SCNN1B: variants seen among roughly 807,000 people sequenced by gnomAD.
SCNN1B encodes epithelial sodium channel subunit beta.
A neutral mutation model predicts 65.3 loss-of-function variants in SCNN1B; 46 were observed. The ratio of observed to expected loss-of-function variants is 0.70; its 90% CI spans 0.56 to 0.90. The LOEUF is 0.90. SCNN1B is among the 40% of genes least tolerant of loss of function. The probability of loss-of-function intolerance (pLI) is 0.00; values close to 1 mark genes in which losing one functional copy is unlikely to be tolerated. For missense variants in SCNN1B, 751 were observed against 830.5 expected, an observed-to-expected ratio of 0.90 and a Z score of 1.18; for synonymous variants, 349 against 330.6, an observed-to-expected ratio of 1.06 and a Z score of -0.60.
intron 4 of SCNN1B, among the ~76,000 whole-genome samples, chr16:23,365,980 G>A (rs137976801): frequency 5.9e-5 from 9 of 152,300 alleles, no homozygotes; most frequent in African/African-American, 1.7e-4. Flanking sequence ...CTGAAAACAC[G>A]GGAAAATAAC....
At position 23,371,481 on chromosome 16, in the gene SCNN1B, G is replaced by A. The variant is rs1185446965; in HGVS notation, c.1044+19G>A. The A allele has an allele frequency of 3.7e-6, 6 of 1,612,490 alleles. No individual in the cohort carries two copies. The highest frequency in any genetic ancestry group is 3.3e-5 in the Admixed American group (2 of 59,966). Reference sequence around the variant, plus strand: ...ACTCGTGGTATGGCCGGAGCCCAAGGGCAGTCCTAGAGGGTCTGAGGGTGG... The same window carrying A: ...ACTCGTGGTATGGCCGGAGCCCAAGAGCAGTCCTAGAGGGTCTGAGGGTGG... On this transcript the variant is annotated intron_variant, in intron 6 of 12. Transcript: ENST00000343070.
chr16:23,332,985 C>T (rs140960853), intron 1 of SCNN1B, among the ~76,000 whole-genome samples: 2,242 of 152,100 alleles, frequency 0.015, 60 homozygotes, highest in African/African-American at 0.048. Context: ...GCAGGAGAAT[C>T]GCTTGAACCT....
chr16:23,348,784 T>A lies in SCNN1B; in HGVS notation c.185T>A (p.Leu62His). 2 of 1,614,154 alleles carry A rather than the reference T, an allele frequency of 1.2e-6. No homozygotes were observed. The highest frequency in any genetic ancestry group is 1.7e-6 in the Non-Finnish European group (2 of 1,180,038). Residue 62 changes from leucine (L) to histidine (H), a missense_variant, in exon 2 of 13, where the codon CTC becomes CAC. Transcript: ENST00000343070. The surrounding 1 kb of genome is among the most constrained non-coding windows in gnomAD (Gnocchi z 4.5). ...CTGCTCACCCTGCTCTTCGCCGCCC[T>A]CGTCTGCTGGCAGTGGGGCATCTTC... is the stretch of plus-strand genomic sequence containing the variant. ...WFLLTLLFAA[L>H]VCWQWGIFIR...
intron 1 of SCNN1B, chr16:23,304,035 A>G (rs1373261656): frequency 6.5e-7 from 1 of 1,530,258 alleles, no homozygotes; most frequent in Non-Finnish European, 8.8e-7. Flanking sequence ...ATTTATTTAA[A>G]CTGCTGCATG....
In SCNN1B at chr16:23,381,074, C is replaced by A; in HGVS notation, c.*273C>A. On this transcript the variant is annotated 3_prime_UTR_variant, in exon 13 of 13. Transcript: ENST00000343070. Reference sequence around the variant, plus strand: ...CCTGTCCTGATCCTGGTCCTGAAGACCCCTCGGAACACCCTCTCCTGGTGG... The same window carrying A: ...CCTGTCCTGATCCTGGTCCTGAAGAACCCTCGGAACACCCTCTCCTGGTGG... 1.9e-6 allele frequency: 1 copy of A among 516,556 alleles called. No individual in the cohort carries two copies. 32.0% of individuals were successfully genotyped at this position (516,556 alleles called of 1,614,324 possible). A position where few individuals can be genotyped will look rare whatever the true frequency, so the allele number is the denominator to read the frequency against.
intron 2 of SCNN1B, among the ~76,000 whole-genome samples, chr16:23,287,293 C>T (rs1440465542): frequency 1.3e-5 from 2 of 151,966 alleles, no homozygotes; most frequent in African/African-American, 4.8e-5. Context: ...GCATGAGCCA[C>T]CGTGCCCTGC....
Position 23,370,820 on chromosome 16 carries a change from G to A in SCNN1B, c.881-479G>A, listed in dbSNP as rs1016852310. Among the ~76,000 whole-genome samples, 4 of 152,146 alleles carry A rather than the reference G, an allele frequency of 2.6e-5. No individual in the cohort carries two copies. In the East Asian group the frequency reaches 7.7e-4, roughly 29 times the overall value. ...CAGATTGAGGAACAGCATTCCAGGT[G>A]AGAGAACAGAATTCCAGAGCAAGGA... On this transcript the variant is annotated intron_variant, in intron 5 of 12. Coordinates refer to ENST00000343070, the MANE Select transcript of SCNN1B (RefSeq NM_000336.3).
intron 1 of SCNN1B, among the ~76,000 whole-genome samples, chr16:23,319,103 C>T (rs1286724368): frequency 9.3e-5 from 14 of 151,116 alleles, no homozygotes; most frequent in Admixed American, 8.6e-4. Flanking sequence ...TGCAGTGGCG[C>T]GATCTCAGCT....
chr16:23,333,745 G>A (rs1231102037), intron 1 of SCNN1B, among the ~76,000 whole-genome samples: 2 of 152,136 alleles, frequency 1.3e-5, no homozygotes, highest in African/African-American at 4.8e-5. Context: ...GCCAAGGTGG[G>A]GGGATTGCTT....
intron 1 of SCNN1B, among the ~76,000 whole-genome samples, chr16:23,313,260 C>G (rs1432387419): frequency 1.3e-5 from 2 of 152,062 alleles, no homozygotes; most frequent in African/African-American, 2.4e-5. Context: ...CCATGGACCC[C>G]CATTCTCTGG....
At chr16:23,279,488 T>C (rs756813) in intron 1 of SCNN1B, among the ~76,000 whole-genome samples, 12,106 of 152,180 alleles carry the variant, frequency 0.08, 708 homozygotes, top group East Asian at 0.28. Flanking sequence ...GGATAATTCT[T>C]AATTTGGAGA....
At chr16:23,376,239 A>G (rs1242296609) in intron 8 of SCNN1B, among the ~76,000 whole-genome samples, 3 of 152,196 alleles carry the variant, frequency 2.0e-5, no homozygotes, top group Non-Finnish European at 4.4e-5. Flanking sequence ...GCTTGCGTCC[A>G]AATGCACAGG....
intron 1 of SCNN1B, among the ~76,000 whole-genome samples, chr16:23,344,933 G>A (rs986826231): frequency 6.6e-6 from 1 of 152,184 alleles, no homozygotes. Flanking sequence ...GGTGGAGGTT[G>A]CAGTGAGTCA....
chr16:23,324,042 G>A (rs901567914), intron 1 of SCNN1B, among the ~76,000 whole-genome samples: 2 of 152,122 alleles, frequency 1.3e-5, no homozygotes, highest in Non-Finnish European at 1.5e-5. Context: ...AAAACGCAAG[G>A]AGGGAGGTAC....
intron 10 of SCNN1B, among the ~76,000 whole-genome samples, chr16:23,377,669 TTCC>T (rs1567319514): frequency 6.9e-6 from 1 of 144,652 alleles, no homozygotes; most frequent in African/African-American, 2.6e-5. Context: ...CTTTCCTTCC[TTCC>T]TTTCTCCCTC....
chr16:23,304,270 CACATGTGTGTACATATGCAT>C (rs1961147916), intron 1 of SCNN1B, among the ~76,000 whole-genome samples: 2 of 152,128 alleles, frequency 1.3e-5, no homozygotes, highest in Non-Finnish European at 2.9e-5. Context: ...CACACATGCA[CACATGTGTGTACATATGCAT>C]GTTCACACAC....
intron 1 of SCNN1B, among the ~76,000 whole-genome samples, chr16:23,342,204 C>T (rs1213790750): frequency 6.6e-6 from 1 of 152,180 alleles, no homozygotes; most frequent in African/African-American, 2.4e-5. Flanking sequence ...TTAAAACACA[C>T]TAAGTGAAAG....
intron 2 of SCNN1B, among the ~76,000 whole-genome samples, chr16:23,349,420 G>A (rs927294616): frequency 1.3e-5 from 2 of 152,190 alleles, no homozygotes; most frequent in African/African-American, 2.4e-5. Flanking sequence ...CCAGGAGCTC[G>A]AGGCTGCAGT....
chr16:23,376,707 C>T (rs1437895241), intron 8 of SCNN1B, among the ~76,000 whole-genome samples: 4 of 136,890 alleles, frequency 2.9e-5, no homozygotes, highest in African/African-American at 8.4e-5. Context: ...GCCAGGAGTT[C>T]GAGACCAGCC....
Sources: allele counts gnomAD v4.1 joint callset (sites outside exome capture counted in the v4.1 genomes callset), GRCh38; gene constraint gnomAD v4.1.1; non-coding constraint Gnocchi (gnomAD v3.1); transcripts MANE v1.5; gene names NCBI Gene and HGNC (gene_info 2026-07-23, HGNC 2026-07-21).